Variants in ZSWIM6 observed in about 807,000 individuals in gnomAD.
ZSWIM6 encodes zinc finger SWIM domain-containing protein 6.
ZSWIM6 carries 9 observed loss-of-function variants against 113.2 expected under a neutral mutation model. The observed-to-expected ratio is 0.08, with a 90% CI of 0.05 to 0.14. The LOEUF (loss-of-function observed/expected upper bound fraction) is 0.14, where lower values mean the gene tolerates loss of function less well. ZSWIM6 is among the 10% of genes least tolerant of loss of function. The pLI, the probability that ZSWIM6 is intolerant of heterozygous loss-of-function variation, is 1.00. For missense variants in ZSWIM6, 1,162 were observed against 1,552.2 expected, an observed-to-expected ratio of 0.75 and a Z score of 4.22; for synonymous variants, 611 against 606.5, an observed-to-expected ratio of 1.01 and a Z score of -0.11.
At chr5:61,346,003 G>A (rs1744650696) in intron 1 of ZSWIM6, among the ~76,000 whole-genome samples, 1 of 152,086 alleles carries the variant, frequency 6.6e-6, no homozygotes, top group Admixed American at 6.5e-5. Flanking sequence ...GGAGTGCAGT[G>A]GCGCGATCTC....
At chr5:61,511,085 G>C (rs1748775672) in intron 4 of ZSWIM6, among the ~76,000 whole-genome samples, 1 of 152,120 alleles carries the variant, frequency 6.6e-6, no homozygotes, top group Admixed American at 6.6e-5. Flanking sequence ...GGTTATTAAG[G>C]CTAATTACAG....
intron 2 of ZSWIM6, 77 bp from the exon 3 acceptor site, chr5:61,490,707 CAA>C: frequency 7.2e-7 from 1 of 1,389,628 alleles, no homozygotes; most frequent in East Asian, 2.7e-5. Context: ...AAAAAGTAGG[CAA>C]AAAGAGTCTT....
chr5:61,518,564 T>A (rs1749025113), intron 4 of ZSWIM6, among the ~76,000 whole-genome samples: 1 of 152,174 alleles, frequency 6.6e-6, no homozygotes, highest in South Asian at 2.1e-4. Flanking sequence ...TTTTCATGTG[T>A]TTTTTGGCTA....
At chr5:61,540,662 T>A (rs985945983) in intron 12 of ZSWIM6, among the ~76,000 whole-genome samples, 28 of 152,290 alleles carry the variant, frequency 1.8e-4, no homozygotes, top group African/African-American at 6.3e-4. Flanking sequence ...TGTTTTTTTT[T>A]AATTCTTGTT....
chr5:61,478,652 G>C (rs1231441370), intron 2 of ZSWIM6, among the ~76,000 whole-genome samples: 1 of 151,578 alleles, frequency 6.6e-6, no homozygotes, highest in Non-Finnish European at 1.5e-5. Context: ...ATTTTTCCCT[G>C]TATATACACT....
At chr5:61,414,867 G>C (rs1364559950) in intron 1 of ZSWIM6, among the ~76,000 whole-genome samples, 1 of 152,168 alleles carries the variant, frequency 6.6e-6, no homozygotes, top group Non-Finnish European at 1.5e-5. Flanking sequence ...GATTTTAGAT[G>C]AGTTACGATA....
chr5:61,454,643 G>A (rs913316363), intron 1 of ZSWIM6, among the ~76,000 whole-genome samples: 1 of 149,670 alleles, frequency 6.7e-6, no homozygotes, highest in Non-Finnish European at 1.5e-5. Context: ...ATGCAGTGGC[G>A]CGATCTTGGC....
At chr5:61,533,804 T>C (rs2112280703) in intron 9 of ZSWIM6, among the ~76,000 whole-genome samples, 1 of 152,298 alleles carries the variant, frequency 6.6e-6, no homozygotes, top group Middle Eastern at 3.4e-3. Context: ...ATACCACAGA[T>C]TGTGTGGCTT....
intron 1 of ZSWIM6, among the ~76,000 whole-genome samples, chr5:61,451,158 G>A (rs1348716): frequency 0.38 from 57,935 of 151,946 alleles, 11,211 homozygotes; most frequent in South Asian, 0.45. Context: ...TTTGGCTCCT[G>A]TTCAGCTGGG....
chr5:61,419,720 CA>C (rs1293127153), intron 1 of ZSWIM6, among the ~76,000 whole-genome samples: 1 of 152,178 alleles, frequency 6.6e-6, no homozygotes. Context: ...CTTGTCCACA[CA>C]ATGCAAGCCT....
At position 61,543,518 on chromosome 5, in the gene ZSWIM6, C is replaced by T. The variant is rs1561287095; in HGVS notation, c.2849C>T (p.Thr950Ile). Reference sequence around the variant, plus strand: ...ACACTCTTTACTCCCACCGAGGCCACAAGTATAGTTGCAACTACCGTGATG... The same window carrying T: ...ACACTCTTTACTCCCACCGAGGCCATAAGTATAGTTGCAACTACCGTGATG... ...WFTLFTPTEA[T>I]SIVATTVMSN... The change falls in exon 14 of 14, where the codon ACA (threonine) becomes ATA (isoleucine). Residue 950 changes from threonine to isoleucine, a missense_variant. Thr to Ile is a moderately conservative substitution (Grantham distance 89, BLOSUM62 -1). This residue lies in a region of ZSWIM6 where 620 missense variants were observed against 804.6 expected (regional missense o/e 0.77). Transcript: ENST00000252744. This position sits in a 1 kb window ranked among gnomAD's most constrained non-coding sequence, Gnocchi z 4.3. 1 of 1,551,632 alleles carries T rather than the reference C, an allele frequency of 6.4e-7. No homozygotes were observed. Among genetic ancestry groups the T allele is most frequent in the Non-Finnish European group, 8.7e-7 (1 of 1,147,004 alleles).
intron 1 of ZSWIM6, among the ~76,000 whole-genome samples, chr5:61,372,565 T>C (rs1745288213): frequency 6.6e-6 from 1 of 152,176 alleles, no homozygotes; most frequent in Admixed American, 6.5e-5. Flanking sequence ...GTAACTCCAG[T>C]CTTAGTTAAG....
intron 1 of ZSWIM6, among the ~76,000 whole-genome samples, chr5:61,349,565 A>G (rs1303975979): frequency 7.2e-5 from 11 of 152,050 alleles, no homozygotes; most frequent in Admixed American, 6.6e-4. Context: ...TTTGTCATCA[A>G]TATATTTCTC....
chr5:61,489,456 T>C (rs996102623), intron 2 of ZSWIM6, among the ~76,000 whole-genome samples: 2 of 152,018 alleles, frequency 1.3e-5, no homozygotes. Flanking sequence ...TGTTATAGCT[T>C]ATAAAATCAG....
intron 1 of ZSWIM6, among the ~76,000 whole-genome samples, chr5:61,416,083 A>C (rs1341091007): frequency 6.6e-6 from 1 of 152,232 alleles, no homozygotes; most frequent in African/African-American, 2.4e-5. Context: ...ATCACTGGAT[A>C]CAAAAAGGGT....
intron 3 of ZSWIM6, among the ~76,000 whole-genome samples, chr5:61,492,325 G>A (rs1455964503): frequency 1.3e-5 from 2 of 152,024 alleles, no homozygotes; most frequent in African/African-American, 2.4e-5. Flanking sequence ...AGCCTGGTGT[G>A]CAGTTGTTCT....
intron 4 of ZSWIM6, among the ~76,000 whole-genome samples, chr5:61,502,252 G>C (rs191118308): frequency 1.3e-5 from 2 of 152,298 alleles, no homozygotes; most frequent in African/African-American, 4.8e-5. Flanking sequence ...GGCTGAAGCA[G>C]CTCCTTAGGC....
At chr5:61,476,800 A>G (rs1747716327) in intron 2 of ZSWIM6, among the ~76,000 whole-genome samples, 1 of 152,134 alleles carries the variant, frequency 6.6e-6, no homozygotes, top group Non-Finnish European at 1.5e-5. Context: ...AGATTGGTAA[A>G]CTGTGGTATA....
intron 1 of ZSWIM6, among the ~76,000 whole-genome samples, chr5:61,333,401 C>A (rs900455156): frequency 6.6e-5 from 10 of 151,804 alleles, no homozygotes; most frequent in Non-Finnish European, 1.5e-4. Context: ...GGCCGCTCGG[C>A]GCTCCCCCCC....
Sources: gnomAD v4.1 joint callset for allele counts (sites outside exome capture counted in the v4.1 genomes callset) on GRCh38, gnomAD v4.1.1 for gene constraint, gnomAD v4.1.1 regional missense constraint, Gnocchi (gnomAD v3.1) non-coding constraint, MANE v1.5 for transcripts, NCBI Gene and HGNC (gene_info 2026-07-23, HGNC 2026-07-21) for gene names.